Variants in CADPS2 observed in about 807,000 individuals in gnomAD.
CADPS2 encodes the protein calcium dependent secretion activator 2.
In CADPS2, 93 loss-of-function variants were observed where a neutral mutation model predicts 172.5. The ratio of observed to expected loss-of-function variants is 0.54; its 90% confidence interval spans 0.46 to 0.64. CADPS2 has a LOEUF of 0.64. CADPS2 is among the 30% of genes least tolerant of loss of function. The pLI, the probability that CADPS2 is intolerant of heterozygous loss-of-function variation, is 0.00. For missense variants in CADPS2, 1,420 were observed against 1,565.9 expected (o/e 0.91, Z 1.57); for synonymous variants, 546 against 555.2 (o/e 0.98, Z 0.23).
intron 1 of CADPS2, among the ~76,000 whole-genome samples, chr7:122,776,510 G>T (rs376856192): frequency 6.6e-6 from 1 of 151,910 alleles, no homozygotes; most frequent in African/African-American, 2.4e-5. Flanking sequence ...AAATGTGGAA[G>T]TGACTTTGAA....
In CADPS2 at chr7:122,749,051, C is replaced by T. The variant is rs567889550; in HGVS notation, c.340-11983G>A. Among the ~76,000 whole-genome samples, 4 of 152,230 alleles carry T rather than the reference C, an allele frequency of 2.6e-5. No homozygotes were observed. In the South Asian group the frequency reaches 8.3e-4, roughly 32 times the overall value. ...AGTTTACTGCCTCCAAAGAAATCCA[C>T]ATTAACTGTGCAAAGCATCCTCATA... On this transcript the variant is annotated intron_variant, in intron 1 of 29. Transcript: ENST00000449022.
intron 25 of CADPS2, among the ~76,000 whole-genome samples, chr7:122,376,531 A>T (rs1197619756): frequency 3.3e-5 from 5 of 152,170 alleles, no homozygotes; most frequent in Non-Finnish European, 7.4e-5. Context: ...AGTCAAAATA[A>T]CAGAAGCAGA....
rs183420158 is a variant in CADPS2, at chr7:122,766,080, T to C, written c.340-29012A>G. On this transcript the variant is annotated intron_variant, in intron 1 of 29. Transcript: ENST00000449022. ...GGTCTCATGCTGCTTCAACTCATGGTAGGGAAACGGAAGGGGGAGCAGGCA... is the reference window on the plus strand; with the variant it reads ...GGTCTCATGCTGCTTCAACTCATGGCAGGGAAACGGAAGGGGGAGCAGGCA... Among the ~76,000 whole-genome samples, 314 of 152,184 alleles carry C rather than the reference T, an allele frequency of 2.1e-3. 2 individuals carry two copies. The highest frequency in any genetic ancestry group is 3.5e-3 in the Non-Finnish European group (241 of 67,986).
At chr7:122,746,664 C>A (rs1471132878) in intron 1 of CADPS2, among the ~76,000 whole-genome samples, 1 of 151,858 alleles carries the variant, frequency 6.6e-6, no homozygotes, top group African/African-American at 2.4e-5. Context: ...CACACACCCT[C>A]ATGTTTTAAA....
Position 122,581,032 on chromosome 7 carries a change from T to C in CADPS2, c.1335+147A>G, listed in dbSNP as rs1241463053. The C allele has an allele frequency of 5.1e-6, 3 of 587,018 alleles. No individual in the cohort carries two copies. The Admixed American group carries it at 9.2e-5, about 18-fold the overall frequency. The allele number at this position is 587,018 out of a possible 1,614,324, so 36.4% of individuals were successfully genotyped here. A position where few individuals can be genotyped will look rare whatever the true frequency, so the allele number is the denominator to read the frequency against. ...ACAATTAGATTTAATAAATTAGAGG[T>C]GTATACTGGGCTTGTGGGAAATAAC... On this transcript the variant is annotated intron_variant, in intron 7 of 29. Transcript: ENST00000449022.
At chr7:122,639,096 C>A (rs1166885957) in intron 3 of CADPS2, among the ~76,000 whole-genome samples, 1 of 152,130 alleles carries the variant, frequency 6.6e-6, no homozygotes, top group Non-Finnish European at 1.5e-5. Context: ...TTCCAAGCAA[C>A]ATGTTTACCA....
chr7:122,843,912 CAG>C (rs1446634005), intron 1 of CADPS2, among the ~76,000 whole-genome samples: 11 of 152,246 alleles, frequency 7.2e-5, no homozygotes, highest in African/African-American at 2.4e-4. Context: ...GCATTATGAG[CAG>C]AGAGGCCCAA....
At chr7:122,664,696 C>G (rs1471281226) in intron 2 of CADPS2, among the ~76,000 whole-genome samples, 1 of 152,200 alleles carries the variant, frequency 6.6e-6, no homozygotes, top group Non-Finnish European at 1.5e-5. Flanking sequence ...TGTCAAAAGA[C>G]TCTCCCAGAA....
Position 122,766,744 on chromosome 7 carries a change from G to C in CADPS2, c.340-29676C>G, listed in dbSNP as rs531188258. ...AAACTTTGTAGAACACAGAGATGTGGAAGAATGTGTGTCAGCAGATCATGA... is the reference window on the plus strand; with the variant it reads ...AAACTTTGTAGAACACAGAGATGTGCAAGAATGTGTGTCAGCAGATCATGA... On this transcript the variant is annotated intron_variant, in intron 1 of 29. Transcript: ENST00000449022. Among the ~76,000 whole-genome samples the C allele has an allele frequency of 5.9e-5, 9 of 152,292 alleles. No individual in the cohort carries two copies. In the East Asian group the frequency reaches 1.4e-3, roughly 23 times the overall value.
intron 9 of CADPS2, among the ~76,000 whole-genome samples, chr7:122,509,002 T>G (rs906570585): frequency 1.3e-5 from 2 of 152,322 alleles, no homozygotes; most frequent in African/African-American, 4.8e-5. Flanking sequence ...AAAGTCATTA[T>G]GCCATGATTT....
At position 122,688,778 on chromosome 7, in the gene CADPS2, T is replaced by C. The variant is rs570400306; in HGVS notation, c.454-25209A>G. On this transcript the variant is annotated intron_variant, in intron 2 of 29. Transcript: ENST00000449022. ...ACATGGTTGTGGTAACGGGGAGTTA[T>C]ACACCTGAGCTCTAAACTCGCTGAG... Among the ~76,000 whole-genome samples the C allele has an allele frequency of 6.6e-5, 10 of 152,284 alleles. No homozygotes were observed. In the South Asian group the frequency reaches 2.1e-3, roughly 32 times the overall value.
chr7:122,885,466 G>A (rs1363256562), intron 1 of CADPS2, among the ~76,000 whole-genome samples: 1 of 151,892 alleles, frequency 6.6e-6, no homozygotes, highest in Non-Finnish European at 1.5e-5. Context: ...GACAATATAG[G>A]AAACGTATTA....
intron 1 of CADPS2, among the ~76,000 whole-genome samples, chr7:122,790,719 T>C (rs1795118482): frequency 6.6e-6 from 1 of 152,174 alleles, no homozygotes; most frequent in South Asian, 2.1e-4. Context: ...AGCTCATGAA[T>C]ACCATCCAGG....
At chr7:122,327,727 T>C (rs957345203) in intron 28 of CADPS2, among the ~76,000 whole-genome samples, 1 of 151,970 alleles carries the variant, frequency 6.6e-6, no homozygotes, top group Non-Finnish European at 1.5e-5. Flanking sequence ...ATATAACTTA[T>C]TTAATACAAT....
chr7:122,686,609 A>G (rs1293759869), intron 2 of CADPS2, among the ~76,000 whole-genome samples: 1 of 152,182 alleles, frequency 6.6e-6, no homozygotes, highest in Non-Finnish European at 1.5e-5. Flanking sequence ...CTGCTCGAAG[A>G]TGCTTTTCCC....
At chr7:122,706,092 A>G (rs1397412669) in intron 2 of CADPS2, among the ~76,000 whole-genome samples, 1 of 42,840 alleles carries the variant, frequency 2.3e-5, no homozygotes, top group African/African-American at 8.1e-5. Flanking sequence ...TATTCAAGGA[A>G]TATATATATA....
chr7:122,606,775 G>C (rs751827070), intron 6 of CADPS2, among the ~76,000 whole-genome samples: 32 of 152,090 alleles, frequency 2.1e-4, no homozygotes, highest in Admixed American at 8.5e-4. Flanking sequence ...CACAGCCCTT[G>C]TCTTCAAGGA....
At chr7:122,778,964 G>A (rs2093964994) in intron 1 of CADPS2, among the ~76,000 whole-genome samples, 1 of 152,114 alleles carries the variant, frequency 6.6e-6, no homozygotes, top group Non-Finnish European at 1.5e-5. Flanking sequence ...TTGAATCATG[G>A]CAGTGGGTTT....
At chr7:122,589,244 T>A (rs1056756090) in intron 6 of CADPS2, among the ~76,000 whole-genome samples, 9 of 151,880 alleles carry the variant, frequency 5.9e-5, no homozygotes, top group Non-Finnish European at 1.0e-4. Flanking sequence ...AACAGTATTA[T>A]CTCCTTTTAA....
Sources: allele counts gnomAD v4.1 joint callset (sites outside exome capture counted in the v4.1 genomes callset), GRCh38; gene constraint gnomAD v4.1.1; transcripts MANE v1.5; gene names NCBI Gene and HGNC (gene_info 2026-07-23, HGNC 2026-07-21).